The following CSGALNACT1 variants were observed in gnomAD, a reference collection of about 807,000 sequenced individuals.
CSGALNACT1 encodes the protein chondroitin sulfate N-acetylgalactosaminyltransferase 1, also known as beta4GalNAcT-1.
Under a neutral mutation model 51.0 loss-of-function variants are expected in CSGALNACT1, and 52 were observed. The ratio of observed to expected loss-of-function variants is 1.02; its 90% CI spans 0.82 to 1.29. The LOEUF (loss-of-function observed/expected upper bound fraction) is 1.29, where lower values mean the gene tolerates loss of function less well. CSGALNACT1 is among the 50% of genes most tolerant of loss of function. The probability of loss-of-function intolerance (pLI) is 0.00; values close to 1 mark genes in which losing one functional copy is unlikely to be tolerated. For synonymous variants in CSGALNACT1, 341 were observed against 254.4 expected, an observed-to-expected ratio of 1.34 and a Z score of -3.24; for missense variants, 935 against 679.2, an observed-to-expected ratio of 1.38 and a Z score of -4.19.
At chr8:19,556,103 C>G (rs1247582834) in intron 3 of CSGALNACT1, among the ~76,000 whole-genome samples, 1 of 152,084 alleles carries the variant, frequency 6.6e-6, no homozygotes, top group Non-Finnish European at 1.5e-5. Flanking sequence ...TTTGGCCGGG[C>G]AGGGTGGTTC....
chr8:19,615,317 T>A lies in CSGALNACT1; in HGVS notation c.-543-13452A>T, dbSNP rs75242376. Among the ~76,000 whole-genome samples the A allele has an allele frequency of 2.6e-5, 4 of 152,298 alleles. No individual in the cohort carries two copies. The East Asian group carries it at 7.7e-4, about 29-fold the overall frequency. Reference sequence around the variant, plus strand: ...GACTCCATCTCCATCAATCAACTGATAAATAACGATTTCCATCCAAAGGAA... The same window carrying A: ...GACTCCATCTCCATCAATCAACTGAAAAATAACGATTTCCATCCAAAGGAA... On this transcript the variant is annotated intron_variant, in intron 1 of 9. Coordinates refer to the CSGALNACT1 transcript ENST00000332246.
chr8:19,719,383 A>C (rs1442399189), intron 1 of CSGALNACT1, among the ~76,000 whole-genome samples: 1 of 152,136 alleles, frequency 6.6e-6, no homozygotes, highest in Non-Finnish European at 1.5e-5. Context: ...GATATTTGTC[A>C]TTATCTAAGG....
intron 3 of CSGALNACT1, among the ~76,000 whole-genome samples, chr8:19,521,844 A>T (rs1352609637): frequency 6.6e-6 from 1 of 152,232 alleles, no homozygotes; most frequent in African/African-American, 2.4e-5. Context: ...GGGGACTTTG[A>T]AAACAGAGCT....
intron 5 of CSGALNACT1, chr8:19,457,582 C>A: frequency 1.0e-6 from 1 of 991,694 alleles, no homozygotes; most frequent in Non-Finnish European, 1.4e-6. Flanking sequence ...CACTGCACTC[C>A]AGCCTGGGTG....
intron 3 of CSGALNACT1, among the ~76,000 whole-genome samples, chr8:19,547,894 G>T (rs2086860797): frequency 6.6e-6 from 1 of 152,194 alleles, no homozygotes; most frequent in Non-Finnish European, 1.5e-5. Flanking sequence ...GACCCTGAGG[G>T]ATTTGGGTGT....
At chr8:19,455,078 T>C (rs2063840569) in intron 5 of CSGALNACT1, among the ~76,000 whole-genome samples, 1 of 152,252 alleles carries the variant, frequency 6.6e-6, no homozygotes, top group African/African-American at 2.4e-5. Flanking sequence ...CAAAGTGATG[T>C]TCAACTCATG....
At chr8:19,589,894 C>A (rs561799525) in intron 3 of CSGALNACT1, among the ~76,000 whole-genome samples, 6 of 152,136 alleles carry the variant, frequency 3.9e-5, no homozygotes, top group East Asian at 3.9e-4. Flanking sequence ...GTGAAAAAAA[C>A]CAAAAAGGTT....
chr8:19,507,049 T>C (rs1192615915), intron 3 of CSGALNACT1, among the ~76,000 whole-genome samples: 4 of 152,152 alleles, frequency 2.6e-5, no homozygotes, highest in Non-Finnish European at 4.4e-5. Context: ...AGCTTTCTGA[T>C]CAGGAACTGG....
intron 3 of CSGALNACT1, among the ~76,000 whole-genome samples, chr8:19,539,668 C>A (rs2084623878): frequency 6.6e-6 from 1 of 152,112 alleles, no homozygotes; most frequent in South Asian, 2.1e-4. Flanking sequence ...CACTGTCAGG[C>A]CACAACAGGA....
intron 1 of CSGALNACT1, among the ~76,000 whole-genome samples, chr8:19,646,964 AT>A (rs141902715): frequency 0.019 from 2,876 of 152,282 alleles, 92 homozygotes; most frequent in African/African-American, 0.066. Flanking sequence ...CCAAGAATAC[AT>A]GCATGACCTC....
At chr8:19,441,281 T>A (rs1221220871) in intron 5 of CSGALNACT1, among the ~76,000 whole-genome samples, 4 of 152,008 alleles carry the variant, frequency 2.6e-5, no homozygotes, top group South Asian at 2.1e-4. Context: ...AGCCAAAAGA[T>A]CAAAGCCGGA....
At chr8:19,566,779 A>T (rs79072923) in intron 3 of CSGALNACT1, among the ~76,000 whole-genome samples, 4,580 of 152,244 alleles carry the variant, frequency 0.03, 227 homozygotes, top group African/African-American at 0.1. Flanking sequence ...GGTTAAAGGG[A>T]TAACATAAAA....
chr8:19,513,436 CTATATATATATATA>C (rs1554650175), intron 3 of CSGALNACT1, among the ~76,000 whole-genome samples: 21 of 81,972 alleles, frequency 2.6e-4, no homozygotes, highest in South Asian at 8.7e-4. Flanking sequence ...CTCTCTCTCT[CTATATATATATATA>C]TATATATATA....
intron 9 of CSGALNACT1, among the ~76,000 whole-genome samples, chr8:19,407,391 T>C (rs1391391202): frequency 6.6e-6 from 1 of 152,010 alleles, no homozygotes; most frequent in Non-Finnish European, 1.5e-5. Context: ...GATGGGACGC[T>C]CCATGCCACA....
intron 3 of CSGALNACT1, among the ~76,000 whole-genome samples, chr8:19,583,738 C>T (rs1379468656): frequency 1.3e-5 from 2 of 152,204 alleles, no homozygotes; most frequent in Non-Finnish European, 2.9e-5. Context: ...CTTCATTCTT[C>T]TTCTCACTGC....
chr8:19,488,320 A>G (rs901980088), intron 4 of CSGALNACT1, among the ~76,000 whole-genome samples: 3 of 149,586 alleles, frequency 2.0e-5, no homozygotes, highest in African/African-American at 7.3e-5. Flanking sequence ...ACTGCACTCC[A>G]GTCTGAGCAA....
intron 4 of CSGALNACT1, among the ~76,000 whole-genome samples, chr8:19,473,465 G>C (rs1043348169): frequency 8.5e-5 from 13 of 152,146 alleles, no homozygotes; most frequent in African/African-American, 1.7e-4. Flanking sequence ...CAGACACACA[G>C]AGTCTCCTGG....
At chr8:19,701,552 A>C (rs1288256739) in intron 1 of CSGALNACT1, among the ~76,000 whole-genome samples, 1 of 152,158 alleles carries the variant, frequency 6.6e-6, no homozygotes, top group African/African-American at 2.4e-5. Context: ...TTAAGACCAC[A>C]CAGTGGAAGG....
intron 5 of CSGALNACT1, among the ~76,000 whole-genome samples, chr8:19,447,688 G>A (rs531241741): frequency 6.6e-6 from 1 of 152,290 alleles, no homozygotes; most frequent in Admixed American, 6.5e-5. Flanking sequence ...GTACAAAATA[G>A]CCTTGGTTCT....
Sources: allele counts gnomAD v4.1 joint callset (sites outside exome capture counted in the v4.1 genomes callset), GRCh38; gene constraint gnomAD v4.1.1; transcripts MANE v1.5; gene names NCBI Gene and HGNC (gene_info 2026-07-23, HGNC 2026-07-21).